Variants in DHRSX observed in about 807,000 individuals in gnomAD.
DHRSX encodes the protein dehydrogenase/reductase X-linked, also known as polyprenol dehydrogenase.
In DHRSX, 31 loss-of-function variants were observed where a neutral mutation model predicts 34.0. The observed-to-expected ratio is 0.91, with a 90% CI of 0.69 to 1.23. DHRSX has a LOEUF of 1.23. DHRSX is among the 50% of genes most tolerant of loss of function. The probability of loss-of-function intolerance (pLI) is 0.00; values close to 1 mark genes in which losing one functional copy is unlikely to be tolerated. For synonymous variants in DHRSX, 201 were observed against 183.8 expected (o/e 1.09, Z -0.76); for missense variants, 414 against 428.1 (o/e 0.97, Z 0.29).
intron 2 of DHRSX, among the ~76,000 whole-genome samples, chrX:2,415,328 G>T (rs1179823806): frequency 6.7e-6 from 1 of 148,886 alleles, no homozygotes; most frequent in Non-Finnish European, 1.5e-5. Flanking sequence ...AACCTAACTG[G>T]ATCTCAACAT....
At chrX:2,454,050 C>T (rs759329104) in intron 1 of DHRSX, among the ~76,000 whole-genome samples, 22 of 152,032 alleles carry the variant, frequency 1.4e-4, no homozygotes, top group African/African-American at 3.4e-4. Context: ...TTTTTGTTAA[C>T]GAAAAATAAA....
chrX:2,453,017 C>T (rs1436675219), intron 1 of DHRSX, among the ~76,000 whole-genome samples: 1 of 152,130 alleles, frequency 6.6e-6, no homozygotes, highest in African/African-American at 2.4e-5. Context: ...GTGGCATAGA[C>T]ACACACTGGA....
chrX:2,436,461 ATATTATTATTAT>A (rs1236612938), intron 1 of DHRSX, among the ~76,000 whole-genome samples: 3 of 129,276 alleles, frequency 2.3e-5, no homozygotes, highest in African/African-American at 5.7e-5. Context: ...TTGCAGCAAC[ATATTATTATTAT>A]TATTATTATT....
chrX:2,233,989 G>C (rs2015956691), intron 6 of DHRSX, among the ~76,000 whole-genome samples: 1 of 152,172 alleles, frequency 6.6e-6, no homozygotes, highest in Non-Finnish European at 1.5e-5. Context: ...AGAAAAATGA[G>C]AGGCATAGCA....
At chrX:2,274,908 C>T (rs1291998503) in intron 4 of DHRSX, among the ~76,000 whole-genome samples, 1 of 152,052 alleles carries the variant, frequency 6.6e-6, no homozygotes, top group East Asian at 1.9e-4. Context: ...GTAAGCAGAG[C>T]ATTGAAAGAC....
chrX:2,473,387 G>T (rs1028831930), intron 1 of DHRSX, among the ~76,000 whole-genome samples: 9 of 152,114 alleles, frequency 5.9e-5, no homozygotes, highest in Non-Finnish European at 1.0e-4. Flanking sequence ...ATTTTGGGAG[G>T]CCGAGGCGGA....
chrX:2,399,860 C>T (rs1183610209), intron 3 of DHRSX, among the ~76,000 whole-genome samples: 1 of 151,654 alleles, frequency 6.6e-6, no homozygotes, highest in Non-Finnish European at 1.5e-5. Flanking sequence ...TAATGAGACC[C>T]CGTCTCTAGA....
chrX:2,431,092 G>A (rs1309899851), intron 1 of DHRSX, among the ~76,000 whole-genome samples: 2 of 151,786 alleles, frequency 1.3e-5, no homozygotes, highest in Admixed American at 1.3e-4. Context: ...TTGGGAGGCC[G>A]AGGCGGGTGG....
intron 3 of DHRSX, among the ~76,000 whole-genome samples, chrX:2,401,293 T>C (rs2043483067): frequency 6.6e-6 from 1 of 152,024 alleles, no homozygotes; most frequent in East Asian, 1.9e-4. Flanking sequence ...ATATTTTTAG[T>C]AGAGATGGGG....
chrX:2,258,708 C>T (rs1280298809), intron 5 of DHRSX, among the ~76,000 whole-genome samples: 1 of 152,182 alleles, frequency 6.6e-6, no homozygotes, highest in Non-Finnish European at 1.5e-5. Context: ...AATGTTCTCT[C>T]CTTTAAGAGA....
intron 3 of DHRSX, among the ~76,000 whole-genome samples, chrX:2,354,390 G>C (rs1437206755): frequency 6.6e-6 from 1 of 152,182 alleles, no homozygotes; most frequent in Non-Finnish European, 1.5e-5. Context: ...TCAGCTTAGA[G>C]AGCAGGTGCT....
At chrX:2,321,610 T>A (rs34799978) in intron 3 of DHRSX, among the ~76,000 whole-genome samples, 2 of 151,852 alleles carry the variant, frequency 1.3e-5, no homozygotes, top group African/African-American at 2.4e-5. Flanking sequence ...CGAGACCATC[T>A]GTAAACCAAG....
At position 2,295,381 on chromosome X, in the gene DHRSX, C is replaced by T. The variant is rs745721370; in HGVS notation, c.287-3778G>A. 6.2e-4 allele frequency among the ~76,000 whole-genome samples: 94 copies of T among 152,250 alleles called. 1 individual carries two copies. The highest frequency in any genetic ancestry group is 3.6e-3 in the Admixed American group (55 of 15,282). On this transcript the variant is annotated intron_variant, in intron 3 of 6. Transcript: ENST00000334651. ...ATCAGTGGAAGTTGAACAATGAGAA[C>T]ACATGGACACAGGGAGGGGAACATC... is the stretch of plus-strand genomic sequence containing the variant.
At chrX:2,294,808 G>GGAGAGAGAGAGAGGA (rs1556454894) in intron 3 of DHRSX, among the ~76,000 whole-genome samples, 2 of 149,226 alleles carry the variant, frequency 1.3e-5, no homozygotes, top group Non-Finnish European at 3.0e-5. Flanking sequence ...AGAGAGAGAG[G>GGAGAGAGAGAGAGGA]AAAAAGAGAG....
chrX:2,339,413 A>G (rs1298957700), intron 3 of DHRSX, among the ~76,000 whole-genome samples: 1 of 152,070 alleles, frequency 6.6e-6, no homozygotes, highest in Non-Finnish European at 1.5e-5. Context: ...TGTTGGGATT[A>G]CAGGTGTGAG....
At chrX:2,230,113 G>A (rs183572227) in intron 6 of DHRSX, among the ~76,000 whole-genome samples, 2,413 of 152,320 alleles carry the variant, frequency 0.016, 77 homozygotes, top group African/African-American at 0.056. Context: ...GAAGGTGTGT[G>A]TGCATTTATG....
chrX:2,346,293 C>G (rs773009071), intron 3 of DHRSX, among the ~76,000 whole-genome samples: 300 of 152,258 alleles, frequency 2.0e-3, no homozygotes, highest in Non-Finnish European at 2.4e-3. Flanking sequence ...CTGTGAATCT[C>G]TTAGGAATGA....
intron 3 of DHRSX, among the ~76,000 whole-genome samples, chrX:2,327,367 C>T (rs2042399593): frequency 6.6e-6 from 1 of 152,166 alleles, no homozygotes; most frequent in Non-Finnish European, 1.5e-5. Flanking sequence ...AAACGAGATG[C>T]CTCAAGGGAG....
intron 3 of DHRSX, among the ~76,000 whole-genome samples, chrX:2,298,858 G>A (rs1446359262): frequency 6.6e-6 from 1 of 151,938 alleles, no homozygotes; most frequent in African/African-American, 2.4e-5. Flanking sequence ...GGTGGCACAT[G>A]CCTGTAATCC....
Sources: allele counts gnomAD v4.1 joint callset (sites outside exome capture counted in the v4.1 genomes callset), GRCh38; gene constraint gnomAD v4.1.1; transcripts MANE v1.5; gene names NCBI Gene and HGNC (gene_info 2026-07-23, HGNC 2026-07-21).